NTRK2: variants seen among roughly 807,000 people sequenced by gnomAD.
NTRK2 encodes the protein BDNF/NT-3 growth factors receptor.
NTRK2 carries 13 observed loss-of-function variants against 94.5 expected under a neutral mutation model. The ratio of observed to expected loss-of-function variants is 0.14; its 90% CI spans 0.09 to 0.22. The LOEUF (loss-of-function observed/expected upper bound fraction) is 0.22. NTRK2 is among the 10% of genes least tolerant of loss of function. The probability of loss-of-function intolerance (pLI) is 1.00; values close to 1 mark genes in which losing one functional copy is unlikely to be tolerated. For missense variants in NTRK2, 639 were observed against 1,071.2 expected (o/e 0.60, Z 5.63); for synonymous variants, 372 against 407.4 (o/e 0.91, Z 1.05).
intron 2 of NTRK2, among the ~76,000 whole-genome samples, chr9:84,697,509 AG>A (rs1257209846): frequency 6.6e-6 from 1 of 152,210 alleles, no homozygotes; most frequent in Non-Finnish European, 1.5e-5. Flanking sequence ...AAGAGCCCAC[AG>A]TGTCACTGCA....
At chr9:84,864,736 C>CTTTTTTTT (rs71369154) in intron 13 of NTRK2, among the ~76,000 whole-genome samples, 3 of 104,590 alleles carry the variant, frequency 2.9e-5, no homozygotes, top group South Asian at 3.6e-4. Flanking sequence ...TCTTAATTTT[C>CTTTTTTTT]TTTTTTTTTT....
chr9:85,010,955 G>A (rs1831497917), intron 17 of NTRK2, among the ~76,000 whole-genome samples: 1 of 152,170 alleles, frequency 6.6e-6, no homozygotes, highest in Admixed American at 6.5e-5. Flanking sequence ...GTAACCTGAA[G>A]CAACATGGAG....
At chr9:84,834,463 T>G (rs2073753024) in intron 12 of NTRK2, among the ~76,000 whole-genome samples, 1 of 152,146 alleles carries the variant, frequency 6.6e-6, no homozygotes, top group Non-Finnish European at 1.5e-5. Context: ...CCCCCTTTCT[T>G]AAGTCACTGT....
intron 2 of NTRK2, among the ~76,000 whole-genome samples, chr9:84,673,797 T>C (rs1422760541): frequency 6.6e-6 from 1 of 152,252 alleles, no homozygotes; most frequent in Non-Finnish European, 1.5e-5. Flanking sequence ...ACCTGTTTTA[T>C]ATTTTTTGCC....
intron 14 of NTRK2, among the ~76,000 whole-genome samples, chr9:84,886,181 A>T (rs1463872550): frequency 6.6e-6 from 1 of 152,210 alleles, no homozygotes; most frequent in African/African-American, 2.4e-5. Flanking sequence ...GACCAATGAG[A>T]CCACTATGAA....
intron 14 of NTRK2, chr9:84,873,430 G>A (rs201577381): frequency 2.8e-6 from 3 of 1,059,208 alleles, no homozygotes; most frequent in Non-Finnish European, 3.4e-6. Flanking sequence ...GACTCATCTC[G>A]TGGGAGCCTT....
rs570849654 is a variant in NTRK2, at chr9:84,738,757, A to G, written c.1160-3135A>G. 3.3e-5 allele frequency among the ~76,000 whole-genome samples: 5 copies of G among 152,314 alleles called. No individual in the cohort carries two copies. The South Asian group carries it at 1.0e-3, about 32-fold the overall frequency. On this transcript the variant is annotated intron_variant, in intron 9 of 18. Transcript: ENST00000277120. Reference sequence around the variant, plus strand: ...GTTGTGGTGAGTAGACCTTTGTCAGACATAGTGCAGTATGCTTGGGAGAAA... The same window carrying G: ...GTTGTGGTGAGTAGACCTTTGTCAGGCATAGTGCAGTATGCTTGGGAGAAA...
At chr9:84,676,966 T>TGA (rs1382165611) in intron 2 of NTRK2, among the ~76,000 whole-genome samples, 2 of 151,544 alleles carry the variant, frequency 1.3e-5, no homozygotes, top group East Asian at 3.9e-4. Flanking sequence ...TGTGAGTGTG[T>TGA]GTGTGTGTGT....
At chr9:84,702,456 A>G in intron 4 of NTRK2, 37 bp downstream of exon 4, 1 of 1,519,928 alleles carries the variant, frequency 6.6e-7, no homozygotes, top group Middle Eastern at 1.7e-4. Flanking sequence ...CCCAGGACCC[A>G]TTTTATTCAA....
chr9:84,879,346 C>T (rs1159184706), intron 14 of NTRK2, among the ~76,000 whole-genome samples: 3 of 152,082 alleles, frequency 2.0e-5, no homozygotes, highest in Admixed American at 1.3e-4. Flanking sequence ...TTGCTTTTGT[C>T]CCCCACATTT....
chr9:84,977,657 C>T (rs1415857116), intron 17 of NTRK2, among the ~76,000 whole-genome samples: 1 of 152,150 alleles, frequency 6.6e-6, no homozygotes, highest in African/African-American at 2.4e-5. Flanking sequence ...GCACATATAC[C>T]ATATATACAC....
chr9:84,919,992 G>C (rs2077512431), intron 14 of NTRK2, among the ~76,000 whole-genome samples: 1 of 152,114 alleles, frequency 6.6e-6, no homozygotes, highest in Admixed American at 6.5e-5. Flanking sequence ...CTTCCATTCT[G>C]CCTCTTATTC....
At chr9:84,884,945 A>G (rs1422983136) in intron 14 of NTRK2, among the ~76,000 whole-genome samples, 1 of 152,142 alleles carries the variant, frequency 6.6e-6, no homozygotes, top group Non-Finnish European at 1.5e-5. Context: ...TCACAATATT[A>G]AACATAAAAG....
intron 12 of NTRK2, among the ~76,000 whole-genome samples, chr9:84,801,243 A>C (rs576269726): frequency 6.6e-6 from 1 of 152,306 alleles, no homozygotes; most frequent in East Asian, 1.9e-4. Context: ...AGGGAAAGGG[A>C]TAGGATCCAA....
chr9:84,779,790 A>G (rs1209842283), intron 12 of NTRK2, among the ~76,000 whole-genome samples: 1 of 152,228 alleles, frequency 6.6e-6, no homozygotes, highest in African/African-American at 2.4e-5. Flanking sequence ...GCAAGTTTGA[A>G]GAACTTTTCT....
chr9:84,742,204 G>T (rs1166073300), intron 10 of NTRK2, among the ~76,000 whole-genome samples: 1 of 152,124 alleles, frequency 6.6e-6, no homozygotes, highest in Non-Finnish European at 1.5e-5. Context: ...CCTTAATTGG[G>T]AACTAATTAC....
intron 17 of NTRK2, among the ~76,000 whole-genome samples, chr9:84,988,539 CCACTGCATTAG>C (rs753499434): frequency 1.7e-4 from 26 of 152,188 alleles, no homozygotes; most frequent in Non-Finnish European, 3.4e-4. Flanking sequence ...TGTTTGAGAA[CCACTGCATTAG>C]AGAATCATAG....
intron 12 of NTRK2, among the ~76,000 whole-genome samples, chr9:84,836,084 A>G (rs1353039411): frequency 6.6e-6 from 1 of 152,166 alleles, no homozygotes; most frequent in Non-Finnish European, 1.5e-5. Context: ...TCTAGCAAAC[A>G]CCATAGTTCT....
chr9:84,984,495 CAAA>C (rs1489787003), intron 17 of NTRK2, among the ~76,000 whole-genome samples: 2 of 63,288 alleles, frequency 3.2e-5, no homozygotes, highest in African/African-American at 1.5e-4. Flanking sequence ...AACAAACAAA[CAAA>C]AAACAAAAAA....
Sources: gnomAD v4.1 joint callset for allele counts (sites outside exome capture counted in the v4.1 genomes callset) on GRCh38, gnomAD v4.1.1 for gene constraint, MANE v1.5 for transcripts, NCBI Gene and HGNC (gene_info 2026-07-23, HGNC 2026-07-21) for gene names.